The following TNRC6A variants were observed in gnomAD, a reference collection of about 807,000 sequenced individuals.
TNRC6A encodes the protein trinucleotide repeat-containing gene 6A protein.
TNRC6A carries 44 observed loss-of-function variants against 221.2 expected under a neutral mutation model. The ratio of observed to expected loss-of-function variants is 0.20; its 90% CI spans 0.16 to 0.26. The LOEUF (loss-of-function observed/expected upper bound fraction) is 0.26, where lower values mean the gene tolerates loss of function less well. TNRC6A is among the 10% of genes least tolerant of loss of function. The probability of loss-of-function intolerance (pLI) is 1.00; values close to 1 mark genes in which losing one functional copy is unlikely to be tolerated. For synonymous variants in TNRC6A, 847 were observed against 838.5 expected (o/e 1.01, Z -0.18); for missense variants, 2,199 against 2,404.4 (o/e 0.91, Z 1.79).
At chr16:24,716,821 T>G (rs545854077) in intron 2 of TNRC6A, among the ~76,000 whole-genome samples, 201 of 151,764 alleles carry the variant, frequency 1.3e-3, no homozygotes, top group African/African-American at 4.6e-3. Flanking sequence ...TAACTGGGCA[T>G]GGTGGTGCAC....
chr16:24,666,293 C>A (rs1260907814), intron 2 of TNRC6A, among the ~76,000 whole-genome samples: 1 of 151,636 alleles, frequency 6.6e-6, no homozygotes, highest in Non-Finnish European at 1.5e-5. Context: ...ACAGTGAAAC[C>A]CCATCTCTAC....
intron 11 of TNRC6A, chr16:24,798,217 ATAGTC>A (rs1225359709): frequency 3.3e-6 from 1 of 306,092 alleles, no homozygotes; most frequent in Non-Finnish European, 6.0e-6. Context: ...ATTGGAGGGT[ATAGTC>A]TTCTTGATTA....
At chr16:24,786,593 C>T (rs946554341) in intron 5 of TNRC6A, among the ~76,000 whole-genome samples, 2 of 152,100 alleles carry the variant, frequency 1.3e-5, no homozygotes, top group African/African-American at 2.4e-5. Flanking sequence ...GGATTACAGG[C>T]GTGAACCATC....
chr16:24,710,802 C>T (rs551924154), intron 2 of TNRC6A, among the ~76,000 whole-genome samples: 55 of 151,718 alleles, frequency 3.6e-4, no homozygotes, highest in African/African-American at 1.2e-3. Flanking sequence ...ACCTCCGCCT[C>T]CCGAGTTCAA....
intron 1 of TNRC6A, among the ~76,000 whole-genome samples, chr16:24,619,774 C>T (rs544296215): frequency 6.6e-5 from 10 of 152,220 alleles, no homozygotes; most frequent in African/African-American, 2.2e-4. Flanking sequence ...GTCAGTTGTA[C>T]AGGGTGTGTG....
chr16:24,698,353 T>C (rs1463154170), intron 2 of TNRC6A, among the ~76,000 whole-genome samples: 1 of 151,846 alleles, frequency 6.6e-6, no homozygotes, highest in Non-Finnish European at 1.5e-5. Flanking sequence ...CCCCCCAAGA[T>C]TGGATTAAAT....
intron 2 of TNRC6A, among the ~76,000 whole-genome samples, chr16:24,706,464 C>G (rs772637635): frequency 1.3e-5 from 2 of 152,048 alleles, no homozygotes; most frequent in Admixed American, 1.3e-4. Context: ...ATAATCCCAG[C>G]ACTTTGGGAG....
At chr16:24,778,232 C>T (rs1294232794) in intron 5 of TNRC6A, 2 of 957,742 alleles carry the variant, frequency 2.1e-6, no homozygotes, top group African/African-American at 1.8e-5. Context: ...CTCTATGTGC[C>T]TGAGCAGTCT....
At chr16:24,661,037 T>G (rs1032362182) in intron 2 of TNRC6A, among the ~76,000 whole-genome samples, 12 of 151,930 alleles carry the variant, frequency 7.9e-5, no homozygotes, top group African/African-American at 2.7e-4. Flanking sequence ...CACCACGCCC[T>G]GCCCAGCTTT....
chr16:24,635,527 C>T (rs2141709601), intron 1 of TNRC6A, among the ~76,000 whole-genome samples: 1 of 152,262 alleles, frequency 6.6e-6, no homozygotes, highest in East Asian at 1.9e-4. Flanking sequence ...AAGTAATTCG[C>T]CTGCCTTGGC....
chr16:24,770,865 A>T (rs1249421616), intron 4 of TNRC6A, among the ~76,000 whole-genome samples: 2 of 152,192 alleles, frequency 1.3e-5, no homozygotes, highest in Non-Finnish European at 2.9e-5. Context: ...TGAGGACAGG[A>T]TCCCTAGGAG....
chr16:24,713,654 A>ATG (rs1555493138), intron 2 of TNRC6A, among the ~76,000 whole-genome samples: 1 of 146,376 alleles, frequency 6.8e-6, no homozygotes, highest in African/African-American at 2.5e-5. Flanking sequence ...GTTTAGTTTT[A>ATG]TTTTTTTTTT....
intron 1 of TNRC6A, among the ~76,000 whole-genome samples, chr16:24,623,190 T>TTTACTTACTTAC (rs202161590): frequency 8.8e-5 from 13 of 147,996 alleles, no homozygotes; most frequent in Middle Eastern, 3.5e-3. Flanking sequence ...TATTTATTTA[T>TTTACTTACTTAC]TTACTTATTT....
intron 2 of TNRC6A, among the ~76,000 whole-genome samples, chr16:24,657,340 A>AAAAAAAAAAAAAAAAAAAAC (rs1567330492): frequency 8.8e-6 from 1 of 113,758 alleles, no homozygotes; most frequent in Non-Finnish European, 1.9e-5. Flanking sequence ...AAAAAAAAAA[A>AAAAAAAAAAAAAAAAAAAAC]AACAAACAAA....
intron 16 of TNRC6A, 33 bp from the exon 17 acceptor site, chr16:24,806,540 CA>C (rs1442282447): frequency 1.2e-5 from 19 of 1,609,190 alleles, no homozygotes; most frequent in Non-Finnish European, 1.6e-5. Flanking sequence ...CGTTTTCCCC[CA>C]GTAATTTTTT....
chr16:24,618,779 T>C (rs1288976584), intron 1 of TNRC6A, among the ~76,000 whole-genome samples: 2 of 149,722 alleles, frequency 1.3e-5, no homozygotes, highest in African/African-American at 2.5e-5. Context: ...CACAGGCACA[T>C]GCCACCACAC....
chr16:24,656,763 A>T (rs2054921400), intron 2 of TNRC6A, among the ~76,000 whole-genome samples: 1 of 152,116 alleles, frequency 6.6e-6, no homozygotes, highest in Non-Finnish European at 1.5e-5. Flanking sequence ...AACAAAAGGA[A>T]CCCTACCTTT....
In TNRC6A at chr16:24,791,747, G is replaced by A. The variant is rs2058106136; in HGVS notation, c.3105G>A (p.Gln1035=). ...CAAATGGCAACAGCCGTTCAGACCA[G>A]CAAGCACAGGTACATCAGCTGCTAA... ...NVPNGNSRSD[Q]QAQVHQLLTP... Residue 1035 remains glutamine, a synonymous_variant, in exon 6 of 25, where the codon CAG becomes CAA. Coordinates refer to ENST00000395799, the MANE Select transcript of TNRC6A (RefSeq NM_014494.4). The A allele has an allele frequency of 1.2e-6, 2 of 1,609,464 alleles. No homozygotes were observed. The highest frequency in any genetic ancestry group is 1.7e-6 in the Non-Finnish European group (2 of 1,178,410).
chr16:24,740,545 T>C (rs80006433), intron 2 of TNRC6A, among the ~76,000 whole-genome samples: 6,083 of 152,326 alleles, frequency 0.04, 176 homozygotes, highest in Non-Finnish European at 0.062. Flanking sequence ...CTAAAACTTT[T>C]TGATGCTATT....
Sources: gnomAD v4.1 joint callset for allele counts (sites outside exome capture counted in the v4.1 genomes callset) on GRCh38, gnomAD v4.1.1 for gene constraint, MANE v1.5 for transcripts, NCBI Gene and HGNC (gene_info 2026-07-23, HGNC 2026-07-21) for gene names.